The following LARS2 variants were observed in gnomAD, a reference collection of about 807,000 sequenced individuals.
LARS2 encodes leucyl-tRNA synthetase 2, mitochondrial.
In LARS2, 81 loss-of-function variants were observed where a neutral mutation model predicts 116.6. The ratio of observed to expected loss-of-function variants is 0.69; its 90% CI spans 0.58 to 0.84. The LOEUF (loss-of-function observed/expected upper bound fraction) is 0.84. Among genes scored for constraint, LARS2 ranks in the 40% least tolerant of loss-of-function variants. The pLI is 0.00. For synonymous variants in LARS2, 396 were observed against 407.2 expected, an observed-to-expected ratio of 0.97 and a Z score of 0.33; for missense variants, 968 against 1,114.5, an observed-to-expected ratio of 0.87 and a Z score of 1.87.
chr3:45,430,567 ACT>A (rs1431808961), intron 6 of LARS2, among the ~76,000 whole-genome samples: 1 of 139,330 alleles, frequency 7.2e-6, no homozygotes, highest in Non-Finnish European at 1.5e-5. Context: ...GGCGTGAGCC[ACT>A]GCGCCCGGCC....
intron 11 of LARS2, among the ~76,000 whole-genome samples, chr3:45,488,387 C>T (rs942686787): frequency 6.6e-6 from 1 of 152,154 alleles, no homozygotes; most frequent in South Asian, 2.1e-4. Flanking sequence ...GAGCCGAGAT[C>T]GTGCCACTGC....
chr3:45,454,457 T>G (rs1470281786), intron 7 of LARS2, among the ~76,000 whole-genome samples: 1 of 152,208 alleles, frequency 6.6e-6, no homozygotes, highest in Non-Finnish European at 1.5e-5. Context: ...TTCTTTGGAA[T>G]GTCCAATTCC....
chr3:45,527,671 A>G (rs995078540), intron 20 of LARS2, among the ~76,000 whole-genome samples: 2 of 152,192 alleles, frequency 1.3e-5, no homozygotes, highest in Admixed American at 6.5e-5. Context: ...CACCTGAGCA[A>G]GGATAAAGTT....
At chr3:45,415,775 G>A (rs1298386230) in intron 4 of LARS2, among the ~76,000 whole-genome samples, 1 of 151,330 alleles carries the variant, frequency 6.6e-6, no homozygotes, top group Non-Finnish European at 1.5e-5. Flanking sequence ...TTGAACCTGG[G>A]AGGTGGAGGT....
intron 7 of LARS2, among the ~76,000 whole-genome samples, chr3:45,447,356 G>A (rs1207829028): frequency 6.6e-6 from 1 of 152,148 alleles, no homozygotes; most frequent in Non-Finnish European, 1.5e-5. Flanking sequence ...TCCTTGTGGG[G>A]TACTATGGTT....
chr3:45,457,583 C>T (rs1438995836), intron 7 of LARS2, among the ~76,000 whole-genome samples: 3 of 152,114 alleles, frequency 2.0e-5, no homozygotes, highest in Non-Finnish European at 4.4e-5. Flanking sequence ...GAGGCTGAGG[C>T]AGGAGAATCG....
intron 17 of LARS2, among the ~76,000 whole-genome samples, chr3:45,517,333 G>A (rs1174878633): frequency 6.6e-6 from 1 of 152,170 alleles, no homozygotes; most frequent in Non-Finnish European, 1.5e-5. Flanking sequence ...TATAACCCAG[G>A]GCCACCAGGT....
rs766759811 is a variant in LARS2, at chr3:45,516,127, A to G, written c.1895A>G (p.Lys632Arg). The stretch of plus-strand genomic sequence containing the variant: ...CCTGTTCATGCAAAAACGAAAGAGA[A>G]GTTAGAGGTGACGTGGGAGAAGATG... ...SVPVHAKTKE[K>R]LEVTWEKMSK... Residue 632 changes from lysine (K) to arginine (R), a missense_variant, in exon 17 of 22, where the codon AAG becomes AGG. Transcript: ENST00000645846. The G allele has an allele frequency of 6.2e-7, 1 of 1,614,172 alleles. No individual in the cohort carries two copies. Among genetic ancestry groups the G allele is most frequent in the South Asian group, 1.1e-5 (1 of 91,084 alleles).
At chr3:45,411,586 A>G (rs974497713) in intron 4 of LARS2, among the ~76,000 whole-genome samples, 5 of 151,820 alleles carry the variant, frequency 3.3e-5, no homozygotes, top group Non-Finnish European at 7.4e-5. Context: ...CACAATGCAC[A>G]CTTACATATT....
At chr3:45,390,295 CATTTTTATTTTT>C (rs1310707102) in intron 1 of LARS2, among the ~76,000 whole-genome samples, 1 of 151,984 alleles carries the variant, frequency 6.6e-6, no homozygotes, top group South Asian at 2.1e-4. Flanking sequence ...TTCCTTTGCC[CATTTTTATTTTT>C]ATTTTTATTT....
intron 6 of LARS2, among the ~76,000 whole-genome samples, chr3:45,422,921 G>A (rs1698538444): frequency 6.6e-6 from 1 of 152,130 alleles, no homozygotes; most frequent in Non-Finnish European, 1.5e-5. Context: ...GTGTTTAATA[G>A]GAAAGTGAAA....
At chr3:45,395,461 C>T (rs892046325) in intron 3 of LARS2, among the ~76,000 whole-genome samples, 3 of 152,246 alleles carry the variant, frequency 2.0e-5, no homozygotes, top group African/African-American at 7.2e-5. Flanking sequence ...CAGTCTGGAA[C>T]GTGTTAACCC....
At chr3:45,427,044 C>T (rs1698605940) in intron 6 of LARS2, among the ~76,000 whole-genome samples, 1 of 152,050 alleles carries the variant, frequency 6.6e-6, no homozygotes. Context: ...AGCTTCTTGC[C>T]AAGGGAATGC....
chr3:45,531,482 G>C (rs1700613460), intron 20 of LARS2, among the ~76,000 whole-genome samples: 1 of 151,996 alleles, frequency 6.6e-6, no homozygotes, highest in South Asian at 2.1e-4. Flanking sequence ...GGCTCAAGCA[G>C]ACCTCGTGCC....
intron 1 of LARS2, among the ~76,000 whole-genome samples, chr3:45,390,561 C>G (rs939554596): frequency 3.3e-5 from 5 of 152,000 alleles, no homozygotes; most frequent in African/African-American, 1.2e-4. Flanking sequence ...ATCTGCCCGC[C>G]TCAGCCTCCG....
chr3:45,435,613 T>C (rs1226428303), intron 6 of LARS2, among the ~76,000 whole-genome samples: 1 of 152,080 alleles, frequency 6.6e-6, no homozygotes, highest in Non-Finnish European at 1.5e-5. Context: ...CTCCCTTCCT[T>C]CCTACCTTTT....
chr3:45,416,256 GA>G (rs1307255256), intron 4 of LARS2, among the ~76,000 whole-genome samples: 140 of 140,944 alleles, frequency 9.9e-4, no homozygotes, highest in East Asian at 2.5e-3. Context: ...CATTGTCTTG[GA>G]AAAAAAAAAA....
chr3:45,472,497 T>A (rs570323937), intron 8 of LARS2, among the ~76,000 whole-genome samples: 1 of 152,320 alleles, frequency 6.6e-6, no homozygotes, highest in South Asian at 2.1e-4. Flanking sequence ...GAGAGAGGAT[T>A]CTGATGACAA....
At chr3:45,447,957 A>T (rs11926964) in intron 7 of LARS2, among the ~76,000 whole-genome samples, 18,567 of 152,228 alleles carry the variant, frequency 0.12, 1,394 homozygotes, top group Middle Eastern at 0.2. Flanking sequence ...AATAGTATTT[A>T]AAAAGTCAGA....
Sources: allele counts gnomAD v4.1 joint callset (sites outside exome capture counted in the v4.1 genomes callset), GRCh38; gene constraint gnomAD v4.1.1; transcripts MANE v1.5; gene names NCBI Gene and HGNC (gene_info 2026-07-23, HGNC 2026-07-21).